TPO: variants seen among roughly 807,000 people sequenced by gnomAD.
TPO encodes the protein thyroid microsomal antigen.
TPO carries 78 observed loss-of-function variants against 96.9 expected under a neutral mutation model. The observed-to-expected ratio is 0.81, with a 90% confidence interval of 0.67 to 0.97. TPO has a LOEUF of 0.97. TPO is among the 50% of genes least tolerant of loss of function. TPO has a pLI of 0.00. For synonymous variants in TPO, 547 were observed against 538.0 expected (o/e 1.02, Z -0.23); for missense variants, 1,252 against 1,274.8 (o/e 0.98, Z 0.27).
At chr2:1,380,158 G>A (rs571200516) in intron 1 of TPO, among the ~76,000 whole-genome samples, 2 of 152,272 alleles carry the variant, frequency 1.3e-5, no homozygotes, top group African/African-American at 2.4e-5. Flanking sequence ...ACTTTGGGAG[G>A]CCGAGGTGGG....
chr2:1,404,055 T>C (rs1662212419), intron 1 of TPO, among the ~76,000 whole-genome samples: 1 of 152,210 alleles, frequency 6.6e-6, no homozygotes, highest in Admixed American at 6.5e-5. Flanking sequence ...GAGAATCTAA[T>C]GTACCCATAG....
rs1668190342 is a variant in TPO, at chr2:1,503,950, G to A, written c.2389G>A (p.Val797Met). 3 of 1,614,172 alleles carry A rather than the reference G, an allele frequency of 1.9e-6. No homozygotes were observed. The highest frequency in any genetic ancestry group is 1.7e-5 in the Admixed American group (1 of 60,030). Residue 797 changes from valine to methionine, a missense_variant and splice_region_variant, in exon 14 of 17, where the codon GTG becomes ATG. By Grantham distance (21) the Val-to-Met change is conservative (BLOSUM62 1). Coordinates refer to ENST00000329066, the MANE Select transcript of TPO (RefSeq NM_001206744.2). ...WDFQPPLCKD[V>M]NECADGAHPP... ...GTGTGGCCTTGTGTGTCTGGCAGAT[G>A]TGAACGAGTGTGCAGACGGTGCCCA...
At chr2:1,498,801 T>C (rs1453175147) in intron 13 of TPO, among the ~76,000 whole-genome samples, 1 of 152,182 alleles carries the variant, frequency 6.6e-6, no homozygotes, top group African/African-American at 2.4e-5. Context: ...GCTCTGCCAC[T>C]GACACTTCAG....
intron 8 of TPO, among the ~76,000 whole-genome samples, chr2:1,480,236 T>TTTGTA (rs1670411945): frequency 6.6e-6 from 1 of 152,218 alleles, no homozygotes; most frequent in South Asian, 2.1e-4. Flanking sequence ...ACATTTCACT[T>TTTGTA]TTGAATTTCC....
At chr2:1,394,509 G>A (rs1032980458) in intron 1 of TPO, among the ~76,000 whole-genome samples, 1 of 152,180 alleles carries the variant, frequency 6.6e-6, no homozygotes, top group Non-Finnish European at 1.5e-5. Context: ...ATCCAGACCC[G>A]CCGAACAGAC....
chr2:1,460,388 G>A (rs1351048340), intron 7 of TPO, among the ~76,000 whole-genome samples: 2 of 152,178 alleles, frequency 1.3e-5, no homozygotes, highest in East Asian at 3.9e-4. Context: ...AGCAGAATCT[G>A]TGCAAAAAAA....
intron 5 of TPO, among the ~76,000 whole-genome samples, chr2:1,437,447 G>GCCC (rs28909390): frequency 1.3e-5 from 2 of 151,634 alleles, no homozygotes; most frequent in Non-Finnish European, 2.9e-5. Flanking sequence ...GAAGGAAGAT[G>GCCC]CCCCCCCCGA....
chr2:1,377,908 C>G (rs145047210), intron 1 of TPO, among the ~76,000 whole-genome samples: 22 of 152,312 alleles, frequency 1.4e-4, no homozygotes, highest in Admixed American at 1.4e-3. Context: ...CAAATCTCAT[C>G]TTGAATTGTA....
intron 3 of TPO, among the ~76,000 whole-genome samples, chr2:1,426,922 G>A (rs1479545742): frequency 6.6e-6 from 1 of 152,146 alleles, no homozygotes; most frequent in African/African-American, 2.4e-5. Context: ...ACTCACTCAT[G>A]GACAGTGGTA....
chr2:1,484,198 T>A (rs1391988785), intron 8 of TPO, among the ~76,000 whole-genome samples: 1 of 152,226 alleles, frequency 6.6e-6, no homozygotes, highest in Non-Finnish European at 1.5e-5. Context: ...ATGCTTTGAT[T>A]TAATCCTCAC....
At chr2:1,383,728 T>C (rs1472559692) in intron 1 of TPO, among the ~76,000 whole-genome samples, 1 of 152,204 alleles carries the variant, frequency 6.6e-6, no homozygotes, top group Non-Finnish European at 1.5e-5. Flanking sequence ...TTAGTTTAAT[T>C]AGATCCCATT....
chr2:1,408,663 C>T (rs1277756066), upstream of TPO, among the ~76,000 whole-genome samples: 1 of 152,166 alleles, frequency 6.6e-6, no homozygotes, highest in Admixed American at 6.5e-5. Flanking sequence ...CGCAGAGACC[C>T]GTGGGCTCAA....
intron 13 of TPO, among the ~76,000 whole-genome samples, chr2:1,497,741 C>G (rs984464935): frequency 6.6e-6 from 1 of 152,150 alleles, no homozygotes; most frequent in African/African-American, 2.4e-5. Context: ...GCATCAGACT[C>G]ACAGTCTCCT....
chr2:1,376,731 A>G (rs957961935), intron 1 of TPO, among the ~76,000 whole-genome samples: 12 of 152,238 alleles, frequency 7.9e-5, no homozygotes, highest in Non-Finnish European at 1.2e-4. Flanking sequence ...AAAGAAAAGT[A>G]AAGACACTTA....
rs1053730129 is a variant in TPO at position 1,470,260 on chromosome 2, A to G, written c.820-6826A>G. Among the ~76,000 whole-genome samples the G allele has an allele frequency of 4.6e-5, 7 of 152,184 alleles. No homozygotes were observed. In the South Asian group the frequency reaches 1.0e-3, roughly 23 times the overall value. On this transcript the variant is annotated intron_variant, in intron 7 of 16. Coordinates refer to ENST00000329066, the MANE Select transcript of TPO (RefSeq NM_001206744.2). ...ACATTTTAAAGAGTTTACTTGAGCCAAAATGAGAATAGCTGCCCGGAATAC... is the reference window on the plus strand; with the variant it reads ...ACATTTTAAAGAGTTTACTTGAGCCGAAATGAGAATAGCTGCCCGGAATAC...
intron 1 of TPO, among the ~76,000 whole-genome samples, chr2:1,377,068 A>G (rs1661733495): frequency 6.6e-6 from 1 of 152,222 alleles, no homozygotes; most frequent in Non-Finnish European, 1.5e-5. Flanking sequence ...CCAGAGTCAG[A>G]GCTCGGCCAC....
chr2:1,458,061 C>T (rs115781609), intron 7 of TPO, among the ~76,000 whole-genome samples: 3,347 of 141,080 alleles, frequency 0.024, 69 homozygotes, highest in Middle Eastern at 0.14. Flanking sequence ...TGTGTGGGAA[C>T]GTGTTTATAT....
At chr2:1,432,493 G>A (rs1665082027) in intron 3 of TPO, among the ~76,000 whole-genome samples, 1 of 150,326 alleles carries the variant, frequency 6.7e-6, no homozygotes, top group Admixed American at 6.6e-5. Context: ...CAGGTGAGGG[G>A]AGGCCCCAGG....
At chr2:1,512,089 A>G (rs140568649) in intron 14 of TPO, among the ~76,000 whole-genome samples, 43 of 151,474 alleles carry the variant, frequency 2.8e-4, no homozygotes, top group East Asian at 1.4e-3. Flanking sequence ...ACTGGAGTGC[A>G]GTGGCGCGAT....
Sources: allele counts gnomAD v4.1 joint callset (sites outside exome capture counted in the v4.1 genomes callset), GRCh38; gene constraint gnomAD v4.1.1; transcripts MANE v1.5; gene names NCBI Gene and HGNC (gene_info 2026-07-23, HGNC 2026-07-21).